Variants in RGS6 observed in about 807,000 individuals in gnomAD.
RGS6 encodes the protein regulator of G protein signaling 6.
RGS6 carries 30 observed loss-of-function variants against 78.5 expected under a neutral mutation model. The observed-to-expected ratio is 0.38, with a 90% confidence interval of 0.29 to 0.52. RGS6 has a LOEUF of 0.52. RGS6 is among the 20% of genes least tolerant of loss of function. The probability of loss-of-function intolerance (pLI) is 0.85; values close to 1 mark genes in which losing one functional copy is unlikely to be tolerated. For missense variants in RGS6, 495 were observed against 609.7 expected, an observed-to-expected ratio of 0.81 and a Z score of 1.98; for synonymous variants, 206 against 206.0, an observed-to-expected ratio of 1.00 and a Z score of 0.00.
At chr14:72,443,048 G>C (rs1371534153) in intron 3 of RGS6, among the ~76,000 whole-genome samples, 1 of 152,198 alleles carries the variant, frequency 6.6e-6, no homozygotes, top group Admixed American at 6.5e-5. Context: ...TGTAGCAAAG[G>C]CCTGGGGAGA....
Position 72,156,351 on chromosome 14 carries a change from C to A in RGS6, c.84+191476C>A, listed in dbSNP as rs1442348823. Among the ~76,000 whole-genome samples the A allele has an allele frequency of 5.3e-5, 8 of 149,868 alleles. No homozygotes were observed. The Admixed American group carries it at 5.4e-4, about 10-fold the overall frequency. On this transcript the variant is annotated intron_variant, in intron 2 of 17. Transcript: ENST00000553525. ...ATCCCAGCTACTTGGGAAGCTGAGG[C>A]AGGAGAATCACTTGAACCCAGGAGG...
At chr14:72,461,618 G>C (rs557882838) in intron 6 of RGS6, among the ~76,000 whole-genome samples, 1 of 152,222 alleles carries the variant, frequency 6.6e-6, no homozygotes, top group Admixed American at 6.5e-5. Context: ...CTTGAGCCCA[G>C]GAGTTCAAAG....
At chr14:72,147,935 T>G (rs539831423) in intron 2 of RGS6, among the ~76,000 whole-genome samples, 91 of 152,012 alleles carry the variant, frequency 6.0e-4, no homozygotes, top group East Asian at 1.7e-3. Flanking sequence ...ATTGAGACCA[T>G]CCTGGCTAAC....
intron 2 of RGS6, among the ~76,000 whole-genome samples, chr14:72,064,030 G>C (rs1354441676): frequency 6.6e-6 from 1 of 152,040 alleles, no homozygotes; most frequent in Admixed American, 6.6e-5. Flanking sequence ...CATTTGCTGT[G>C]GTGTAGGGAG....
At chr14:72,531,253 G>T (rs2097178909) in intron 15 of RGS6, among the ~76,000 whole-genome samples, 1 of 151,894 alleles carries the variant, frequency 6.6e-6, no homozygotes, top group Non-Finnish European at 1.5e-5. Flanking sequence ...GCCAACATGG[G>T]GAAACCCCGT....
chr14:72,232,727 G>A lies in RGS6; in HGVS notation c.85-119368G>A, dbSNP rs540631328. Among the ~76,000 whole-genome samples the A allele has an allele frequency of 3.3e-5, 5 of 152,276 alleles. No individual in the cohort carries two copies. The South Asian group carries it at 1.0e-3, about 32-fold the overall frequency. ...GGGGACCTTATTGACCATGGGCTAGGGGTTTCAGCAGGCACTGTGGGGAGT... is the reference window on the plus strand; with the variant it reads ...GGGGACCTTATTGACCATGGGCTAGAGGTTTCAGCAGGCACTGTGGGGAGT... On this transcript the variant is annotated intron_variant, in intron 2 of 17. Coordinates refer to ENST00000553525, the MANE Select transcript of RGS6 (RefSeq NM_001204424.2).
chr14:72,592,473 A>G, the RGS6 span, among the ~76,000 whole-genome samples: 105 of 152,400 alleles, frequency 6.9e-4, 1 homozygote, highest in African/African-American at 2.5e-3. Flanking sequence ...CTGAGAAACC[A>G]TGACACAATA....
At chr14:72,072,715 T>C (rs937385080) in intron 2 of RGS6, among the ~76,000 whole-genome samples, 5 of 152,242 alleles carry the variant, frequency 3.3e-5, no homozygotes, top group Non-Finnish European at 5.9e-5. Flanking sequence ...AGGTAATCAC[T>C]GGTCCTTCAC....
chr14:72,352,070 A>T (rs1053840281), intron 2 of RGS6, 25 bp from the exon 3 acceptor site: 2 of 1,530,794 alleles, frequency 1.3e-6, no homozygotes, highest in African/African-American at 1.4e-5. Context: ...AGAAAATAAC[A>T]CTTCTTTTCT....
At chr14:71,871,641 C>T in the RGS6 span, among the ~76,000 whole-genome samples, 5 of 152,170 alleles carry the variant, frequency 3.3e-5, no homozygotes, top group Non-Finnish European at 5.9e-5. Flanking sequence ...GTGTCACCTG[C>T]AAGCCCAGTG....
intron 2 of RGS6, among the ~76,000 whole-genome samples, chr14:72,204,247 T>C (rs1258205872): frequency 3.9e-5 from 6 of 152,212 alleles, no homozygotes; most frequent in Non-Finnish European, 8.8e-5. Context: ...GAAGCTACAG[T>C]GTTTTTGCAA....
chr14:72,459,569 G>A (rs946519037), intron 5 of RGS6, 63 bp from the exon 6 acceptor site: 2 of 1,517,344 alleles, frequency 1.3e-6, no homozygotes, highest in South Asian at 2.2e-5. Context: ...CTCCTCCCTG[G>A]GTGTGGGAGG....
chr14:72,324,879 G>A (rs2073271233), intron 2 of RGS6, among the ~76,000 whole-genome samples: 1 of 152,150 alleles, frequency 6.6e-6, no homozygotes, highest in African/African-American at 2.4e-5. Flanking sequence ...CCAGTAATGG[G>A]ATGGCTGGGT....
intron 2 of RGS6, among the ~76,000 whole-genome samples, chr14:72,049,247 T>C (rs2093069316): frequency 6.6e-6 from 1 of 152,190 alleles, no homozygotes; most frequent in Non-Finnish European, 1.5e-5. Context: ...TTTCTAGTAA[T>C]AGCAGGAGGA....
chr14:72,524,390 C>T (rs926140723), intron 15 of RGS6, among the ~76,000 whole-genome samples: 2 of 152,212 alleles, frequency 1.3e-5, no homozygotes, highest in Non-Finnish European at 2.9e-5. Flanking sequence ...TCATATAAAG[C>T]TCTGCTGGCA....
intron 2 of RGS6, among the ~76,000 whole-genome samples, chr14:72,047,879 C>T (rs2092966899): frequency 6.8e-6 from 1 of 147,200 alleles, no homozygotes; most frequent in African/African-American, 2.5e-5. Flanking sequence ...GCATGTGCCA[C>T]TATGCCCAGC....
intron 3 of RGS6, among the ~76,000 whole-genome samples, chr14:72,354,522 G>A (rs1457841549): frequency 6.6e-6 from 1 of 151,222 alleles, no homozygotes; most frequent in African/African-American, 2.4e-5. Flanking sequence ...TGTAGTCCCA[G>A]CTACTTGGGA....
At chr14:72,596,444 C>T in the RGS6 span, among the ~76,000 whole-genome samples, 1 of 152,172 alleles carries the variant, frequency 6.6e-6, no homozygotes, top group Non-Finnish European at 1.5e-5. Flanking sequence ...ATTTCCCCCT[C>T]ATCATGAAAC....
chr14:71,973,046 C>G (rs889043131), intron 2 of RGS6, among the ~76,000 whole-genome samples: 40 of 152,178 alleles, frequency 2.6e-4, no homozygotes, highest in African/African-American at 8.9e-4. Flanking sequence ...TTTGTTCTGG[C>G]TGCCCCACTC....
Sources: gnomAD v4.1 joint callset for allele counts (sites outside exome capture counted in the v4.1 genomes callset) on GRCh38, gnomAD v4.1.1 for gene constraint, MANE v1.5 for transcripts, NCBI Gene and HGNC (gene_info 2026-07-23, HGNC 2026-07-21) for gene names.